RBFOX1: variants seen among roughly 807,000 people sequenced by gnomAD.
The protein encoded by RBFOX1 is RNA binding protein fox-1 homolog 1.
RBFOX1 carries 8 observed loss-of-function variants against 57.7 expected under a neutral mutation model. That is an observed-to-expected ratio of 0.14 (90% confidence interval 0.08 to 0.25). The LOEUF (loss-of-function observed/expected upper bound fraction) is 0.25, where lower values mean the gene tolerates loss of function less well. Among genes scored for constraint, RBFOX1 ranks in the 10% least tolerant of loss-of-function variants. The pLI is 1.00. For missense variants in RBFOX1, 611 were observed against 548.5 expected, an observed-to-expected ratio of 1.11 and a Z score of -1.14; for synonymous variants, 326 against 222.4, an observed-to-expected ratio of 1.47 and a Z score of -4.15.
chr16:7,490,081 A>G (rs1357070054), intron 4 of RBFOX1, among the ~76,000 whole-genome samples: 1 of 152,130 alleles, frequency 6.6e-6, no homozygotes, highest in Admixed American at 6.5e-5. Context: ...TGTCCCAGCT[A>G]CATTTAGTGA....
chr16:6,736,488 C>T (rs537416117), intron 3 of RBFOX1, among the ~76,000 whole-genome samples: 4 of 152,232 alleles, frequency 2.6e-5, no homozygotes, highest in Admixed American at 2.6e-4. Flanking sequence ...GCTGTTAATT[C>T]ATTCGTTTTT....
intron 3 of RBFOX1, among the ~76,000 whole-genome samples, chr16:5,657,850 G>C (rs1274245979): frequency 1.3e-5 from 2 of 148,194 alleles, no homozygotes; most frequent in Non-Finnish European, 3.0e-5. Flanking sequence ...TGTTGCTTCA[G>C]ACCCCCAGGT....
chr16:5,855,856 C>T (rs751294594), intron 3 of RBFOX1, among the ~76,000 whole-genome samples: 4 of 151,130 alleles, frequency 2.6e-5, no homozygotes, highest in Non-Finnish European at 4.4e-5. Context: ...CCGTGAATAT[C>T]GGATGTCTTT....
intron 3 of RBFOX1, among the ~76,000 whole-genome samples, chr16:6,665,596 G>C (rs530139717): frequency 6.7e-6 from 1 of 148,788 alleles, no homozygotes; most frequent in South Asian, 2.1e-4. Context: ...TCACATTCCA[G>C]TCTGGGTAAC....
chr16:5,459,250 C>T (rs2068719316), intron 1 of RBFOX1, among the ~76,000 whole-genome samples: 1 of 152,244 alleles, frequency 6.6e-6, no homozygotes, highest in African/African-American at 2.4e-5. Context: ...CTTAGGGCCT[C>T]ATCCTAATCT....
At chr16:6,976,092 A>G (rs78320968) in intron 3 of RBFOX1, among the ~76,000 whole-genome samples, 1 of 152,246 alleles carries the variant, frequency 6.6e-6, no homozygotes, top group African/African-American at 2.4e-5. Flanking sequence ...GTCCCACTGC[A>G]GTTCAGCCTG....
intron 3 of RBFOX1, among the ~76,000 whole-genome samples, chr16:6,919,430 C>A (rs758502877): frequency 6.2e-5 from 9 of 146,090 alleles, no homozygotes; most frequent in Admixed American, 4.2e-4. Context: ...ATAAAGCTCC[C>A]CCAAACTGGA....
At chr16:6,479,382 G>A (rs1385274771) in intron 2 of RBFOX1, among the ~76,000 whole-genome samples, 4 of 152,118 alleles carry the variant, frequency 2.6e-5, no homozygotes, top group Non-Finnish European at 5.9e-5. Flanking sequence ...GAGGACAGGA[G>A]TTAAAGGCCA....
At chr16:7,156,068 C>A (rs2077055941) in intron 4 of RBFOX1, among the ~76,000 whole-genome samples, 3 of 151,886 alleles carry the variant, frequency 2.0e-5, no homozygotes, top group Non-Finnish European at 4.4e-5. Flanking sequence ...GATAGAGTTT[C>A]ACCATGTTGC....
chr16:6,527,206 C>A (rs577942192), intron 2 of RBFOX1, among the ~76,000 whole-genome samples: 3 of 152,176 alleles, frequency 2.0e-5, no homozygotes, highest in African/African-American at 7.2e-5. Context: ...TACCTATGAT[C>A]TCTGACTCCA....
intron 4 of RBFOX1, among the ~76,000 whole-genome samples, chr16:7,095,183 C>A (rs922139277): frequency 3.3e-5 from 5 of 152,188 alleles, no homozygotes. Context: ...GTCGCCCACG[C>A]TGGAGTGCAG....
chr16:7,063,402 T>G (rs937908597), intron 4 of RBFOX1, among the ~76,000 whole-genome samples: 5 of 152,132 alleles, frequency 3.3e-5, no homozygotes, highest in African/African-American at 1.2e-4. Flanking sequence ...GATCATCACA[T>G]GTCTCTCTGC....
intron 2 of RBFOX1, among the ~76,000 whole-genome samples, chr16:6,572,975 C>G (rs914608665): frequency 6.6e-6 from 1 of 152,124 alleles, no homozygotes; most frequent in Non-Finnish European, 1.5e-5. Context: ...TACCTTCCCT[C>G]GGGGACCTTG....
intron 3 of RBFOX1, among the ~76,000 whole-genome samples, chr16:6,738,644 G>C (rs2071138982): frequency 6.6e-6 from 1 of 152,138 alleles, no homozygotes; most frequent in African/African-American, 2.4e-5. Flanking sequence ...AGATGTCATT[G>C]ACAATTACAG....
chr16:6,500,358 A>G (rs1395501075), intron 2 of RBFOX1, among the ~76,000 whole-genome samples: 28 of 151,438 alleles, frequency 1.8e-4, no homozygotes, highest in Admixed American at 1.8e-3. Flanking sequence ...GTGTGCACAT[A>G]CACACACACA....
At chr16:5,742,623 T>A (rs1042775240) in intron 3 of RBFOX1, among the ~76,000 whole-genome samples, 1 of 152,180 alleles carries the variant, frequency 6.6e-6, no homozygotes, top group Admixed American at 6.5e-5. Context: ...GCTACTCATA[T>A]AGAAAGCTTT....
intron 1 of RBFOX1, among the ~76,000 whole-genome samples, chr16:5,367,097 T>G (rs995580854): frequency 1.4e-5 from 2 of 146,982 alleles, no homozygotes; most frequent in Admixed American, 1.4e-4. Flanking sequence ...ATGTCAGAAA[T>G]GCATTTTAAT....
At chr16:6,315,587 G>C (rs1410165331) in intron 1 of RBFOX1, among the ~76,000 whole-genome samples, 2 of 151,654 alleles carry the variant, frequency 1.3e-5, no homozygotes, top group Non-Finnish European at 2.9e-5. Context: ...ATAGATGGAT[G>C]GATGGATAGA....
intron 3 of RBFOX1, among the ~76,000 whole-genome samples, chr16:6,862,555 G>A (rs1295307680): frequency 6.6e-6 from 1 of 152,228 alleles, no homozygotes; most frequent in Non-Finnish European, 1.5e-5. Flanking sequence ...GCATCTTGAA[G>A]AGTGAAGAGA....
Sources: gnomAD v4.1 joint callset for allele counts (sites outside exome capture counted in the v4.1 genomes callset) on GRCh38, gnomAD v4.1.1 for gene constraint, MANE v1.5 for transcripts, NCBI Gene and HGNC (gene_info 2026-07-23, HGNC 2026-07-21) for gene names.